Variants in TMEM205 observed in about 807,000 individuals in gnomAD.
TMEM205 encodes the protein MBC3205.
A neutral mutation model predicts 17.9 loss-of-function variants in TMEM205; 11 were observed. The ratio of observed to expected loss-of-function variants is 0.61; its 90% confidence interval spans 0.39 to 1.02. The LOEUF (loss-of-function observed/expected upper bound fraction) is 1.02. Among genes scored for constraint, TMEM205 ranks in the 50% least tolerant of loss-of-function variants. TMEM205 has a pLI of 0.01. For missense variants in TMEM205, 236 were observed against 239.4 expected (o/e 0.99, Z 0.09); for synonymous variants, 86 against 97.4 (o/e 0.88, Z 0.69).
In TMEM205 at chr19:11,342,801, AT is replaced by A; in HGVS notation, c.*13del. 1 of 1,602,588 alleles carries A rather than the reference AT, an allele frequency of 6.2e-7. No homozygotes were observed. On this transcript the variant is annotated 3_prime_UTR_variant, in exon 3 of 3. Coordinates refer to ENST00000354882, the MANE Select transcript of TMEM205 (RefSeq NM_198536.3). The stretch of plus-strand genomic sequence containing the variant: ...CATTTCTGAAGAAGCATTTATTAGC[AT>A]GCAGGGCCCATGCTAGAGGCTCCTT...
chr19:11,345,939 C>T lies in TMEM205; in HGVS notation c.-320G>A. On this transcript the variant is annotated 5_prime_UTR_variant, in exon 1 of 3. It adds an upstream start codon to the 5' untranslated region. Transcript: ENST00000354882. ...CCCTAGGTCTTCAGAGATCACTCCA[C>T]TAATTCCCAAATATCACCCCAGGGA... 6 of 322,644 alleles carry T rather than the reference C, an allele frequency of 1.9e-5. No homozygotes were observed. The highest frequency in any genetic ancestry group is 2.9e-5 in the Non-Finnish European group (5 of 171,218). 20.0% of individuals were successfully genotyped at this position (322,644 alleles called of 1,614,324 possible).
chr19:11,345,476 T>G, intron 1 of TMEM205, 44 bp downstream of exon 1: 1 of 1,613,866 alleles, frequency 6.2e-7, no homozygotes, highest in Non-Finnish European at 8.5e-7. Flanking sequence ...CTTATTTCCA[T>G]CCCCACCCCA....
At chr19:11,343,711 G>C (rs907966177) in intron 2 of TMEM205, among the ~76,000 whole-genome samples, 1 of 152,144 alleles carries the variant, frequency 6.6e-6, no homozygotes, top group African/African-American at 2.4e-5. Flanking sequence ...CTTGAACCCG[G>C]GAAGGAGAGG....
intron 2 of TMEM205, chr19:11,344,741 G>A: frequency 6.1e-6 from 1 of 163,908 alleles, no homozygotes; most frequent in South Asian, 1.4e-4. Context: ...TGTACAGGCT[G>A]TGCACTGCTC....
In TMEM205 at chr19:11,345,931, TCACTC is replaced by T. The variant is rs1275897893; in HGVS notation, c.-317_-313del. ...GATCATAGCCCTAGGTCTTCAGAGA[TCACTC>T]CACTAATTCCCAAATATCACCCCAG... is the stretch of plus-strand genomic sequence containing the variant. On this transcript the variant is annotated 5_prime_UTR_variant, in exon 1 of 3. Coordinates refer to ENST00000354882, the MANE Select transcript of TMEM205 (RefSeq NM_198536.3). 5 of 342,380 alleles carry T rather than the reference TCACTC, an allele frequency of 1.5e-5. No homozygotes were observed. The highest frequency in any genetic ancestry group is 1.4e-4 in the Admixed American group (3 of 21,862). 21.2% of individuals were successfully genotyped at this position (342,380 alleles called of 1,614,324 possible).
Position 11,345,856 on chromosome 19 carries a change from C to G in TMEM205, c.-237G>C. ...TCAAGATCTCAGGCTCTCTGGACCT[C>G]AATCTCCATGCCACTTCAGAGGCCC... On this transcript the variant is annotated 5_prime_UTR_variant, in exon 1 of 3. Coordinates refer to ENST00000354882, the MANE Select transcript of TMEM205 (RefSeq NM_198536.3). The G allele has an allele frequency of 1.4e-6, 1 of 722,102 alleles. No homozygotes were observed. Among genetic ancestry groups the G allele is most frequent in the Non-Finnish European group, 2.1e-6 (1 of 479,100 alleles). 44.7% of individuals were successfully genotyped at this position (722,102 alleles called of 1,614,324 possible).
Position 11,342,883 on chromosome 19 carries a change from T to C in TMEM205, c.502A>G (p.Asn168Asp), listed in dbSNP as rs760017306. 1 of 1,614,122 alleles carries C rather than the reference T, an allele frequency of 6.2e-7. No homozygotes were observed. Among genetic ancestry groups the C allele is most frequent in the Non-Finnish European group, 8.5e-7 (1 of 1,180,020 alleles). The change falls in exon 3 of 3, where the codon AAT (asparagine) becomes GAT (aspartate). Residue 168 changes from asparagine to aspartate, a missense_variant. Coordinates refer to ENST00000354882, the MANE Select transcript of TMEM205 (RefSeq NM_198536.3). Reference sequence around the variant, plus strand: ...CCATTGCTCAGGACGCAGCCCAGATTGCAAAGAGAGGACAGCCCATGGTAG... The same window carrying C: ...CCATTGCTCAGGACGCAGCCCAGATCGCAAAGAGAGGACAGCCCATGGTAG... ...FRYHGLSSLC[N>D]LGCVLSNGLC...
intron 2 of TMEM205, 98 bp from the exon 3 acceptor site, chr19:11,343,218 G>T (rs1967010822): frequency 1.6e-6 from 2 of 1,222,112 alleles, no homozygotes; most frequent in Non-Finnish European, 1.1e-6. Flanking sequence ...AGGGGTGGGG[G>T]TGGGGACAGC....
chr19:11,346,245 C>A lies in TMEM205; in HGVS notation c.-626G>T. The stretch of plus-strand genomic sequence containing the variant: ...CCCCCGGGTGGACAGCGACCCTCCT[C>A]GGCCGCGTCCCCTCGTGGGTTTCCC... On this transcript the variant is annotated 5_prime_UTR_variant, in exon 1 of 3. Transcript: ENST00000354882. 2.9e-6 allele frequency: 1 copy of A among 347,262 alleles called. No individual in the cohort carries two copies. The highest frequency in any genetic ancestry group is 5.3e-6 in the Non-Finnish European group (1 of 188,922). 21.5% of individuals were successfully genotyped at this position (347,262 alleles called of 1,614,324 possible). A position where few individuals can be genotyped will look rare whatever the true frequency, so the allele number is the denominator to read the frequency against.
chr19:11,345,034 T>C, intron 2 of TMEM205: 1 of 458,678 alleles, frequency 2.2e-6, no homozygotes. Context: ...TTTTTTGTAT[T>C]TTTAGTAGAG....
upstream of TMEM205, chr19:11,346,356 T>C (rs1344018202): frequency 1.7e-6 from 1 of 582,568 alleles, no homozygotes; most frequent in Non-Finnish European, 3.0e-6. Flanking sequence ...CCCTCCTGGG[T>C]ATTGACTAAT....
At chr19:11,344,010 C>T (rs1967044116) in intron 2 of TMEM205, among the ~76,000 whole-genome samples, 1 of 147,904 alleles carries the variant, frequency 6.8e-6, no homozygotes, top group Admixed American at 6.8e-5. Context: ...AATGGCGTGA[C>T]CTTGGCCCAC....
chr19:11,343,611 C>T (rs1217075820), intron 2 of TMEM205, among the ~76,000 whole-genome samples: 2 of 152,092 alleles, frequency 1.3e-5, no homozygotes, highest in East Asian at 3.9e-4. Flanking sequence ...GGGCAAAACC[C>T]CGTCTCTACT....
rs1391512526 is a variant in TMEM205 at position 11,345,377 on chromosome 19, C to T, written c.139G>A (p.Gly47Arg). ...LFRSLPRHTF[G>R]LVQSKLFPFY... ...GGGAAGAGTTTGCTCTGCACTAGTC[C>T]GAAGGTATGTCGGGGAAGGCTTCGG... Residue 47 changes from glycine (G) to arginine (R), a missense_variant, in exon 2 of 3, where the codon GGA becomes AGA. Gly to Arg is a moderately radical substitution (Grantham distance 125). Coordinates refer to ENST00000354882, the MANE Select transcript of TMEM205 (RefSeq NM_198536.3). 5.0e-6 allele frequency: 8 copies of T among 1,614,022 alleles called. No individual in the cohort carries two copies. Among genetic ancestry groups the T allele is most frequent in the African/African-American group, 2.7e-5 (2 of 74,904 alleles).
rs201575235 is a variant in TMEM205, at chr19:11,343,071, C to A, written c.314G>T (p.Trp105Leu). ...GGCAGCTGTGGTGCGGGGTTCCAGC[C>A]AGCGGGCGTTGACAGTGGCCAGCGT... is the stretch of plus-strand genomic sequence containing the variant. ...SLTLATVNAR[W>L]LEPRTTAAMW... Residue 105 changes from tryptophan (W) to leucine (L), a missense_variant, in exon 3 of 3, where the codon TGG (tryptophan) becomes TTG (leucine). Transcript: ENST00000354882. The A allele has an allele frequency of 6.2e-7, 1 of 1,613,858 alleles. No individual in the cohort carries two copies. The highest frequency in any genetic ancestry group is 1.7e-5 in the Admixed American group (1 of 59,998).
chr19:11,345,839 T>C lies in TMEM205; in HGVS notation c.-220A>G. The stretch of plus-strand genomic sequence containing the variant: ...TCTCCAAATGTCAGCCCTCAAGATC[T>C]CAGGCTCTCTGGACCTCAATCTCCA... On this transcript the variant is annotated 5_prime_UTR_variant, in exon 1 of 3. The change abolishes the stop of an existing upstream ORF in the 5' untranslated region. Coordinates refer to ENST00000354882, the MANE Select transcript of TMEM205 (RefSeq NM_198536.3). 1.1e-6 allele frequency: 1 copy of C among 897,462 alleles called. No individual in the cohort carries two copies. The highest frequency in any genetic ancestry group is 1.8e-5 in the South Asian group (1 of 55,436). 55.6% of individuals were successfully genotyped at this position (897,462 alleles called of 1,614,324 possible). A position where few individuals can be genotyped will look rare whatever the true frequency, so the allele number is the denominator to read the frequency against.
In TMEM205 at chr19:11,345,935, T is replaced by C; in HGVS notation, c.-316A>G. 3.1e-6 allele frequency: 1 copy of C among 324,740 alleles called. No individual in the cohort carries two copies. The highest frequency in any genetic ancestry group is 5.8e-6 in the Non-Finnish European group (1 of 172,800). The allele number at this position is 324,740 out of a possible 1,614,324, so 20.1% of individuals were successfully genotyped here. A position where few individuals can be genotyped will look rare whatever the true frequency, so the allele number is the denominator to read the frequency against. On this transcript the variant is annotated 5_prime_UTR_variant, in exon 1 of 3. Coordinates refer to ENST00000354882, the MANE Select transcript of TMEM205 (RefSeq NM_198536.3). ...ATAGCCCTAGGTCTTCAGAGATCACTCCACTAATTCCCAAATATCACCCCA... is the reference window on the plus strand; with the variant it reads ...ATAGCCCTAGGTCTTCAGAGATCACCCCACTAATTCCCAAATATCACCCCA...
At chr19:11,344,165 G>C (rs557205468) in intron 2 of TMEM205, among the ~76,000 whole-genome samples, 2 of 151,590 alleles carry the variant, frequency 1.3e-5, no homozygotes, top group Admixed American at 6.6e-5. Flanking sequence ...GGATGGTCTC[G>C]CGCTCCTGAC....
rs532755587 is a variant in TMEM205 at position 11,346,215 on chromosome 19, C to T, written c.-596G>A. 1.4e-4 allele frequency: 42 copies of T among 303,000 alleles called. No individual in the cohort carries two copies. The highest frequency in any genetic ancestry group is 8.9e-4 in the African/African-American group (39 of 43,730). The allele number at this position is 303,000 out of a possible 1,614,324, so 18.8% of individuals were successfully genotyped here. Reference sequence around the variant, plus strand: ...ATGGGCTGAATCTGGTACCTCACTCCCACGCCCCCGGGTGGACAGCGACCC... The same window carrying T: ...ATGGGCTGAATCTGGTACCTCACTCTCACGCCCCCGGGTGGACAGCGACCC... On this transcript the variant is annotated 5_prime_UTR_variant, in exon 1 of 3. Transcript: ENST00000354882.
Sources: gnomAD v4.1 joint callset for allele counts (sites outside exome capture counted in the v4.1 genomes callset) on GRCh38, gnomAD v4.1.1 for gene constraint, MANE v1.5 for transcripts, NCBI Gene and HGNC (gene_info 2026-07-23, HGNC 2026-07-21) for gene names.